The following FGFR1 variants were observed in gnomAD, a reference collection of about 807,000 sequenced individuals.
The protein encoded by FGFR1 is FGFR1/PLAG1 fusion.
FGFR1 carries 18 observed loss-of-function variants against 93.7 expected under a neutral mutation model. The ratio of observed to expected loss-of-function variants is 0.19; its 90% CI spans 0.13 to 0.28. FGFR1 has a LOEUF of 0.28. Ranked by LOEUF, FGFR1 falls within the 10% of genes least tolerant of loss-of-function variation. The probability of loss-of-function intolerance (pLI) is 1.00; values close to 1 mark genes in which losing one functional copy is unlikely to be tolerated. For synonymous variants in FGFR1, 448 were observed against 429.3 expected (o/e 1.04, Z -0.54); for missense variants, 731 against 1,080.4 (o/e 0.68, Z 4.53).
intron 2 of FGFR1, among the ~76,000 whole-genome samples, chr8:38,445,967 A>G (rs138954712): frequency 6.6e-6 from 1 of 152,248 alleles, no homozygotes; most frequent in Non-Finnish European, 1.5e-5. Context: ...ATAAACCTTA[A>G]TTCCAAAAGT....
chr8:38,415,727 G>GCC, intron 13 of FGFR1, 143 bp downstream of exon 13: 1 of 852,604 alleles, frequency 1.2e-6, no homozygotes, highest in South Asian at 1.4e-5. Context: ...TTCCCAGAGA[G>GCC]CCTAAGACAA....
chr8:38,416,596 C>A (rs924809789), intron 12 of FGFR1, among the ~76,000 whole-genome samples: 1 of 151,292 alleles, frequency 6.6e-6, no homozygotes, highest in Non-Finnish European at 1.5e-5. Context: ...GCTGGAATTA[C>A]AGGCATGCGC....
chr8:38,439,474 A>G (rs1826614747), intron 2 of FGFR1, among the ~76,000 whole-genome samples: 1 of 152,088 alleles, frequency 6.6e-6, no homozygotes, highest in Non-Finnish European at 1.5e-5. Context: ...GAGGCAAAAG[A>G]GCTGGTCCGC....
rs1202301863 is a variant in FGFR1, at chr8:38,468,519, G to A, written c.-627C>T. On this transcript the variant is annotated 5_prime_UTR_variant, in exon 1 of 18. Coordinates refer to ENST00000447712, the MANE Select transcript of FGFR1 (RefSeq NM_023110.3). ...GTCCGGACGTGGCCGCCCAGCTCCC[G>A]GCACACCCGGGTTCCTCCGCGCGCT... 6 of 228,654 alleles carry A rather than the reference G, an allele frequency of 2.6e-5. No homozygotes were observed. Among genetic ancestry groups the A allele is most frequent in the East Asian group, 1.2e-4 (2 of 16,382 alleles). The allele number at this position is 228,654 out of a possible 1,614,324, so 14.2% of individuals were successfully genotyped here.
At chr8:38,435,360 C>T (rs889580295) in intron 2 of FGFR1, 1 of 152,252 alleles carries the variant, frequency 6.6e-6, no homozygotes, top group African/African-American at 2.4e-5. Flanking sequence ...AAAAATCAGA[C>T]TAACCTCGGG....
chr8:38,422,351 C>T (rs17175954), intron 7 of FGFR1: 22,384 of 419,010 alleles, frequency 0.053, 755 homozygotes, highest in South Asian at 0.093. Flanking sequence ...CATACACACA[C>T]GCACATGTGC....
In FGFR1 at chr8:38,419,631, C is replaced by T. The variant is rs752627281; in HGVS notation, c.1186G>A (p.Val396Ile). Residue 396 changes from valine (V) to isoleucine (I), a missense_variant, in exon 9 of 18, where the codon GTC (valine) becomes ATC (isoleucine). Coordinates refer to ENST00000447712, the MANE Select transcript of FGFR1 (RefSeq NM_023110.3). ...TTGGTACCACTCTTCATCTTGTAGA[C>T]GATGACCGACCCCACCATGCAGGAG... ...LISCMVGSVI[V>I]YKMKSGTKKS... 1.7e-5 allele frequency: 27 copies of T among 1,613,956 alleles called. No individual in the cohort carries two copies. The highest frequency in any genetic ancestry group is 9.3e-5 in the African/African-American group (7 of 74,908).
chr8:38,426,147 G>A lies in FGFR1; in HGVS notation c.720C>T (p.Asn240=). 1 of 1,614,142 alleles carries A rather than the reference G, an allele frequency of 6.2e-7. No homozygotes were observed. Among genetic ancestry groups the A allele is most frequent in the Non-Finnish European group, 8.5e-7 (1 of 1,180,026 alleles). Residue 240 remains asparagine (N), a synonymous_variant, in exon 6 of 18, where the codon AAC becomes AAT. Coordinates refer to ENST00000447712, the MANE Select transcript of FGFR1 (RefSeq NM_023110.3). The surrounding 1 kb of genome is among the most constrained non-coding windows in gnomAD (Gnocchi z 4.1). Reference sequence around the variant, plus strand: ...CCACGACATCCAGCTGGTATGTGTGGTTGATGCTGCCGTACTCATTCTCCA... The same window carrying A: ...CCACGACATCCAGCTGGTATGTGTGATTGATGCTGCCGTACTCATTCTCCA... ...CIVENEYGSI[N]HTYQLDVVER...
chr8:38,429,580 C>T lies in FGFR1; in HGVS notation c.358+102G>A. 1 of 1,244,202 alleles carries T rather than the reference C, an allele frequency of 8.0e-7. No homozygotes were observed. The allele number at this position is 1,244,202 out of a possible 1,614,324, so 77.1% of individuals were successfully genotyped here. ...AGCAGTTTCTGAAGCAGAGTGGGGG[C>T]AGATCACGGAGGGGGAGGAGGTTCA... On this transcript the variant is annotated intron_variant, in intron 3 of 17. Coordinates refer to ENST00000447712, the MANE Select transcript of FGFR1 (RefSeq NM_023110.3). This position sits in a 1 kb window ranked among gnomAD's most constrained non-coding sequence, Gnocchi z 4.4.
chr8:38,448,302 C>T (rs1188741900), intron 2 of FGFR1, among the ~76,000 whole-genome samples: 3 of 135,358 alleles, frequency 2.2e-5, no homozygotes, highest in South Asian at 2.3e-4. Flanking sequence ...TTTTTTGAGA[C>T]GGAGTTTCGC....
chr8:38,413,592 T>C lies in FGFR1; in HGVS notation c.*36A>G, dbSNP rs759186266. Reference sequence around the variant, plus strand: ...AGGGGCTGTGGGTGAGGGTTACAGCTGACGGTGGAGTCTGGGGAGGGCGTG... The same window carrying C: ...AGGGGCTGTGGGTGAGGGTTACAGCCGACGGTGGAGTCTGGGGAGGGCGTG... On this transcript the variant is annotated 3_prime_UTR_variant, in exon 18 of 18. Transcript: ENST00000447712. The surrounding 1 kb of genome is among the most constrained non-coding windows in gnomAD (Gnocchi z 4.2). The C allele has an allele frequency of 1.3e-6, 2 of 1,580,768 alleles. No individual in the cohort carries two copies. The highest frequency in any genetic ancestry group is 1.7e-6 in the Non-Finnish European group (2 of 1,164,108).
intron 2 of FGFR1, among the ~76,000 whole-genome samples, chr8:38,451,194 T>C (rs900182527): frequency 7.9e-5 from 12 of 152,136 alleles, no homozygotes; most frequent in Admixed American, 5.9e-4. Flanking sequence ...ACCATCCAGG[T>C]TGAATGAGAA....
intron 1 of FGFR1, among the ~76,000 whole-genome samples, chr8:38,462,902 CTTTT>C (rs11364295): frequency 8.7e-6 from 1 of 114,818 alleles, no homozygotes; most frequent in South Asian, 2.9e-4. Context: ...CTGTGCCTGG[CTTTT>C]TTTTTTTTTT....
Position 38,419,548 on chromosome 8 carries a change from C to T in FGFR1, c.1269G>A (p.Leu423=), listed in dbSNP as rs144131616. 194 of 1,614,140 alleles carry T rather than the reference C, an allele frequency of 1.2e-4. No individual in the cohort carries two copies. Among genetic ancestry groups the T allele is most frequent in the South Asian group, 1.8e-4 (16 of 91,074 alleles). ...AVHKLAKSIP[L]RRQVTVSADS... ...ATCTACTTTCTGTTACCTGTCTGCG[C>T]AGAGGGATGCTCTTGGCCAGCTTGT... Residue 423 remains leucine, a synonymous_variant, in exon 9 of 18, where the codon CTG becomes CTA. Transcript: ENST00000447712.
rs1421615939 is a variant in FGFR1, at chr8:38,415,978, T to C, written c.1746A>G (p.Glu582=). The C allele has an allele frequency of 6.2e-7, 1 of 1,614,072 alleles. No homozygotes were observed. Among genetic ancestry groups the C allele is most frequent in the Non-Finnish European group, 8.5e-7 (1 of 1,180,008 alleles). ...YLQARRPPGL[E]YCYNPSHNPE... is the part of the protein sequence containing the mutation. ...GGTTGTGGCTGGGGTTGTAGCAGTA[T>C]TCCAGCCCTGGGGGCCTCCGGGCCT... The change falls in exon 13 of 18, where the codon GAA becomes GAG. Residue 582 remains glutamate, a synonymous_variant. Coordinates refer to ENST00000447712, the MANE Select transcript of FGFR1 (RefSeq NM_023110.3).
Position 38,419,628 on chromosome 8 carries a change from A to G in FGFR1, c.1189T>C (p.Tyr397His), listed in dbSNP as rs1395234901. 3.1e-6 allele frequency: 5 copies of G among 1,614,102 alleles called. No individual in the cohort carries two copies. The highest frequency in any genetic ancestry group is 1.7e-5 in the Admixed American group (1 of 60,006). The change falls in exon 9 of 18, where the codon TAC becomes CAC. Residue 397 changes from tyrosine (Y) to histidine (H), a missense_variant. Physicochemically the swap from Tyr to His is moderately conservative, Grantham distance 83 (BLOSUM62 2). This residue lies in a region of FGFR1 where 146 missense variants were observed against 173.0 expected (regional missense o/e 0.84). Coordinates refer to ENST00000447712, the MANE Select transcript of FGFR1 (RefSeq NM_023110.3). ...TTCTTGGTACCACTCTTCATCTTGTAGACGATGACCGACCCCACCATGCAG... is the reference window on the plus strand; with the variant it reads ...TTCTTGGTACCACTCTTCATCTTGTGGACGATGACCGACCCCACCATGCAG... ...ISCMVGSVIV[Y>H]KMKSGTKKSD...
In FGFR1 at chr8:38,413,737, G is replaced by A. The variant is rs555706876; in HGVS notation, c.2360C>T (p.Thr787Met). The A allele has an allele frequency of 4.2e-5, 67 of 1,614,120 alleles. No homozygotes were observed. The South Asian group carries it at 4.6e-4, about 11-fold the overall frequency. The change falls in exon 18 of 18, where the codon ACG becomes ATG. Residue 787 changes from threonine to methionine, a missense_variant. Thr to Met is a moderately conservative substitution (Grantham distance 81, BLOSUM62 -1). Transcript: ENST00000447712. The surrounding 1 kb of genome is among the most constrained non-coding windows in gnomAD (Gnocchi z 4.2). ...GACGGAATCCTCCCCTGAGGAGCAC[G>A]TAGAGCTCCGGGTGTCGGGAAAGCT... Reference protein sequence around the residue: ...SPSFPDTRSSTCSSGEDSVFS... With the variant: ...SPSFPDTRSSMCSSGEDSVFS...
intron 2 of FGFR1, among the ~76,000 whole-genome samples, chr8:38,454,759 G>A (rs1832229361): frequency 6.6e-6 from 1 of 152,150 alleles, no homozygotes; most frequent in Admixed American, 6.5e-5. Context: ...TGAGCAAACT[G>A]TGACGTATGG....
In FGFR1 at chr8:38,418,362, G is replaced by C. The variant is rs1377886104; in HGVS notation, c.1296C>G (p.Asp432Glu). 1 of 1,614,036 alleles carries C rather than the reference G, an allele frequency of 6.2e-7. No homozygotes were observed. The highest frequency in any genetic ancestry group is 1.7e-5 in the Admixed American group (1 of 60,016). Residue 432 changes from aspartate (D) to glutamate (E), a missense_variant, in exon 10 of 18, where the codon GAC (aspartate) becomes GAG (glutamate). By Grantham distance (45) the Asp-to-Glu change is conservative (BLOSUM62 2). Transcript: ENST00000447712. ...PLRRQVTVSA[D>E]SSASMNSGVL... ...CCCCAGAGTTCATGGATGCACTGGAGTCAGCAGACACCTGCAAGGAAGAGT... is the reference window on the plus strand; with the variant it reads ...CCCCAGAGTTCATGGATGCACTGGACTCAGCAGACACCTGCAAGGAAGAGT...
Sources: gnomAD v4.1 joint callset for allele counts (sites outside exome capture counted in the v4.1 genomes callset) on GRCh38, gnomAD v4.1.1 for gene constraint, gnomAD v4.1.1 regional missense constraint, Gnocchi (gnomAD v3.1) non-coding constraint, MANE v1.5 for transcripts, NCBI Gene and HGNC (gene_info 2026-07-23, HGNC 2026-07-21) for gene names.